RFC1: variants seen among roughly 807,000 people sequenced by gnomAD.
The protein encoded by RFC1 is replication factor C subunit 1.
A neutral mutation model predicts 137.4 loss-of-function variants in RFC1; 37 were observed. The observed-to-expected ratio is 0.27, with a 90% CI of 0.21 to 0.35. RFC1 has a LOEUF of 0.35. Ranked by LOEUF, RFC1 falls within the 10% of genes least tolerant of loss-of-function variation. RFC1 has a pLI of 1.00. For missense variants in RFC1, 1,205 were observed against 1,358.5 expected (o/e 0.89, Z 1.78); for synonymous variants, 429 against 455.7 (o/e 0.94, Z 0.75).
intron 4 of RFC1, among the ~76,000 whole-genome samples, chr4:39,336,148 T>C (rs745997185): frequency 2.0e-5 from 3 of 152,258 alleles, no homozygotes; most frequent in East Asian, 1.9e-4. Context: ...TAAAAGAGAA[T>C]TGAAGAACAA....
chr4:39,317,822 C>G (rs543411163), intron 9 of RFC1: 1 of 152,120 alleles, frequency 6.6e-6, no homozygotes, highest in South Asian at 2.1e-4. Context: ...TGTAAGCAAT[C>G]CCAAATCCTT....
intron 4 of RFC1, among the ~76,000 whole-genome samples, chr4:39,330,245 A>G (rs1488059250): frequency 1.3e-5 from 2 of 152,152 alleles, no homozygotes; most frequent in African/African-American, 2.4e-5. Context: ...CATTTCAAAC[A>G]TGAAAGTATC....
chr4:39,295,466 A>G, intron 22 of RFC1, 148 bp downstream of exon 22: 1 of 591,136 alleles, frequency 1.7e-6, no homozygotes, highest in East Asian at 3.0e-5. Flanking sequence ...AGGCCCATAA[A>G]ATATAAGGAA....
At chr4:39,316,846 C>T (rs1055425415) in intron 10 of RFC1, 69 bp downstream of exon 10, 4 of 876,974 alleles carry the variant, frequency 4.6e-6, no homozygotes, top group Middle Eastern at 2.2e-4. Flanking sequence ...CTATAATCAT[C>T]GTGAATACAT....
At chr4:39,359,719 G>A (rs1393127115) in intron 1 of RFC1, among the ~76,000 whole-genome samples, 3 of 151,982 alleles carry the variant, frequency 2.0e-5, no homozygotes, top group African/African-American at 7.3e-5. Flanking sequence ...CTACTCAGGA[G>A]GCTGAGGCAG....
intron 1 of RFC1, among the ~76,000 whole-genome samples, chr4:39,356,486 A>G (rs753334769): frequency 1.1e-4 from 16 of 152,342 alleles, no homozygotes; most frequent in South Asian, 2.1e-4. Flanking sequence ...GAGGTTCTTG[A>G]TTATGTAAAC....
chr4:39,329,691 C>G (rs917708923), intron 4 of RFC1, among the ~76,000 whole-genome samples: 2 of 151,984 alleles, frequency 1.3e-5, no homozygotes, highest in African/African-American at 2.4e-5. Flanking sequence ...CAGTAAGCCT[C>G]GATTGTACCA....
rs1737490924 is a variant in RFC1 at position 39,288,503 on chromosome 4, G to C, written c.*258C>G. ...TGTAGTTTCTAGTTCCAATTCTACA[G>C]TCATTCAGAAGCACGTCTAACTAGA... On this transcript the variant is annotated 3_prime_UTR_variant, in exon 25 of 25. Coordinates refer to ENST00000349703, the MANE Select transcript of RFC1 (RefSeq NM_002913.5). The C allele has an allele frequency of 3.2e-6, 1 of 314,106 alleles. No homozygotes were observed. The allele number at this position is 314,106 out of a possible 1,614,324, so 19.5% of individuals were successfully genotyped here.
intron 24 of RFC1, chr4:39,289,553 C>T: frequency 3.7e-6 from 1 of 273,852 alleles, no homozygotes; most frequent in South Asian, 7.4e-5. Context: ...TTGTTACAAA[C>T]ATTTTTCTTG....
intron 1 of RFC1, chr4:39,365,460 A>G (rs552884392): frequency 2.9e-4 from 289 of 985,068 alleles, no homozygotes; most frequent in Non-Finnish European, 3.4e-4. Flanking sequence ...CCATTGCCAT[A>G]CCATCAGGAA....
intron 3 of RFC1, among the ~76,000 whole-genome samples, chr4:39,343,797 G>C (rs17287984): frequency 6.6e-4 from 101 of 152,108 alleles, no homozygotes; most frequent in Non-Finnish European, 1.1e-3. Flanking sequence ...CCTTCTTTAG[G>C]CACATTTTTT....
At chr4:39,364,109 G>T (rs890241788) in intron 1 of RFC1, among the ~76,000 whole-genome samples, 112 of 144,220 alleles carry the variant, frequency 7.8e-4, no homozygotes, top group Non-Finnish European at 1.2e-3. Flanking sequence ...AAAAGAAGAA[G>T]AAGATAGGTC....
At chr4:39,309,279 A>G (rs922616625) in intron 12 of RFC1, among the ~76,000 whole-genome samples, 1 of 152,248 alleles carries the variant, frequency 6.6e-6, no homozygotes, top group African/African-American at 2.4e-5. Context: ...TTTAAAAGTA[A>G]TAAGTACTCC....
intron 21 of RFC1, among the ~76,000 whole-genome samples, chr4:39,296,305 GGTTA>G (rs1737998635): frequency 1.5e-5 from 2 of 136,064 alleles, no homozygotes; most frequent in Non-Finnish European, 3.1e-5. Flanking sequence ...ACATTGTGCA[GGTTA>G]GTTACATATG....
At chr4:39,340,514 G>A (rs1049762275) in intron 4 of RFC1, among the ~76,000 whole-genome samples, 2 of 152,024 alleles carry the variant, frequency 1.3e-5, no homozygotes, top group Non-Finnish European at 1.5e-5. Flanking sequence ...AAATATTTAT[G>A]ACCCAATATT....
rs1003176717 is a variant in RFC1 at position 39,316,916 on chromosome 4, T to C, written c.1202A>G (p.Lys401Arg). The change falls in exon 10 of 25, where the codon AAG becomes AGG. Residue 401 changes from lysine (K) to arginine (R), a missense_variant and splice_region_variant. By Grantham distance (26) the Lys-to-Arg change is conservative. Coordinates refer to ENST00000349703, the MANE Select transcript of RFC1 (RefSeq NM_002913.5). ...GGCATGCCCTCTCAGTACTCTTACC[T>C]TTGGTATTTCTTTGGAGCCCAGAGC... ...PKALGSKEIP[K>R]GAENCLEGLI... 1.9e-6 allele frequency: 3 copies of C among 1,607,568 alleles called. No homozygotes were observed. Among genetic ancestry groups the C allele is most frequent in the Admixed American group, 1.7e-5 (1 of 60,012 alleles).
In RFC1 at chr4:39,303,116, G is replaced by A. The variant is rs2306598; in HGVS notation, c.2146C>T (p.Leu716Phe). 2 of 1,613,760 alleles carry A rather than the reference G, an allele frequency of 1.2e-6. No individual in the cohort carries two copies. Among genetic ancestry groups the A allele is most frequent in the Admixed American group, 1.7e-5 (1 of 60,004 alleles). ...ATGCCATCTACTTCATCCATGATGA[G>A]AGCATGTTTCGTGCTTACTGAAGAG... ...AASSVSTKHA[L>F]IMDEVDGMAG... Residue 716 changes from leucine to phenylalanine, a missense_variant, in exon 16 of 25, where the codon CTC becomes TTC. Coordinates refer to ENST00000349703, the MANE Select transcript of RFC1 (RefSeq NM_002913.5).
At chr4:39,308,330 C>T (rs1028254953) in intron 13 of RFC1, among the ~76,000 whole-genome samples, 2 of 152,192 alleles carry the variant, frequency 1.3e-5, no homozygotes, top group African/African-American at 4.8e-5. Context: ...AGCACACACA[C>T]CCTGGCCCTG....
At chr4:39,301,195 C>T (rs1738341752) in intron 19 of RFC1, among the ~76,000 whole-genome samples, 1 of 152,064 alleles carries the variant, frequency 6.6e-6, no homozygotes, top group African/African-American at 2.4e-5. Flanking sequence ...CCACATACTA[C>T]ATGATTCCAA....
Sources: allele counts gnomAD v4.1 joint callset (sites outside exome capture counted in the v4.1 genomes callset), GRCh38; gene constraint gnomAD v4.1.1; transcripts MANE v1.5; gene names NCBI Gene and HGNC (gene_info 2026-07-23, HGNC 2026-07-21).